Variants in CCND2 observed in about 807,000 individuals in gnomAD.
CCND2 encodes G1/S-specific cyclin-D2.
Under a neutral mutation model 30.2 loss-of-function variants are expected in CCND2, and 6 were observed. The observed-to-expected ratio is 0.20, with a 90% CI of 0.11 to 0.39. The LOEUF (loss-of-function observed/expected upper bound fraction) is 0.39, where lower values mean the gene tolerates loss of function less well. CCND2 is among the 10% of genes least tolerant of loss of function. CCND2 has a pLI of 1.00. For synonymous variants in CCND2, 150 were observed against 153.1 expected (o/e 0.98, Z 0.15); for missense variants, 235 against 373.4 (o/e 0.63, Z 3.06).
chr12:4,297,266 G>T (rs986401199), intron 4 of CCND2, among the ~76,000 whole-genome samples: 2 of 152,058 alleles, frequency 1.3e-5, no homozygotes, highest in Non-Finnish European at 2.9e-5. Flanking sequence ...AAATGCAAGT[G>T]CCCCTAGAAA....
chr12:4,283,789 G>C (rs984836300), intron 3 of CCND2, among the ~76,000 whole-genome samples: 2 of 152,174 alleles, frequency 1.3e-5, no homozygotes, highest in African/African-American at 2.4e-5. Context: ...CGGGTGAACT[G>C]CATCTCAATG....
intron 4 of CCND2, among the ~76,000 whole-genome samples, chr12:4,298,761 A>G (rs1448419065): frequency 1.3e-5 from 2 of 152,226 alleles, no homozygotes; most frequent in African/African-American, 4.8e-5. Context: ...GAGGCTAGAA[A>G]ATGCCCGTTA....
rs893335017 is a variant in CCND2, at chr12:4,287,308, T to C, written c.572-1534T>C. Among the ~76,000 whole-genome samples, 18 of 152,130 alleles carry C rather than the reference T, an allele frequency of 1.2e-4. No individual in the cohort carries two copies. Among genetic ancestry groups the C allele is most frequent in the African/African-American group, 4.3e-4 (18 of 41,426 alleles). ...TGCTGCTAACTTGATGCTGGGGCAA[T>C]GGGCTGACCATTAAAAGAGCTGCTG... On this transcript the variant is annotated intron_variant, in intron 3 of 4. Transcript: ENST00000261254. This position sits in a 1 kb window ranked among gnomAD's most constrained non-coding sequence, Gnocchi z 4.0.
intron 4 of CCND2, among the ~76,000 whole-genome samples, chr12:4,296,626 G>T (rs1355352005): frequency 1.3e-5 from 2 of 151,978 alleles, no homozygotes; most frequent in Admixed American, 6.6e-5. Context: ...CCATGGACAG[G>T]TATTCAGTTG....
In CCND2 at chr12:4,301,385, AT is replaced by A. The variant is rs1415169853; in HGVS notation, c.*1378del. ...TTTTTTTATTGTTGTTGTTAATTTT[AT>A]TGCAAAGTTGTATTCAGCGTACTTG... On this transcript the variant is annotated 3_prime_UTR_variant, in exon 5 of 5. Coordinates refer to ENST00000261254, the MANE Select transcript of CCND2 (RefSeq NM_001759.4). 6 of 218,920 alleles carry A rather than the reference AT, an allele frequency of 2.7e-5. No homozygotes were observed. Among genetic ancestry groups the A allele is most frequent in the Non-Finnish European group, 4.4e-5 (5 of 114,036 alleles). 13.6% of individuals were successfully genotyped at this position (218,920 alleles called of 1,614,324 possible).
chr12:4,285,021 C>T lies in CCND2; in HGVS notation c.572-3821C>T, dbSNP rs772478873. ...AAAGTGCTAGGATTACACTGTGAGC[C>T]ACTGCGCCCAGCCTTCAAGAGCCCC... On this transcript the variant is annotated intron_variant, in intron 3 of 4. Transcript: ENST00000261254. This position sits in a 1 kb window ranked among gnomAD's most constrained non-coding sequence, Gnocchi z 4.1. 2.0e-5 allele frequency among the ~76,000 whole-genome samples: 3 copies of T among 152,108 alleles called. No individual in the cohort carries two copies. Among genetic ancestry groups the T allele is most frequent in the Non-Finnish European group, 4.4e-5 (3 of 68,024 alleles).
Position 4,285,730 on chromosome 12 carries a change from G to A in CCND2, c.572-3112G>A, listed in dbSNP as rs1009494483. ...GGTAGGTGGAGCTTTCCACAGTTGA[G>A]GGTGGGGGTTGGCTAATTACAGCTA... On this transcript the variant is annotated intron_variant, in intron 3 of 4. Transcript: ENST00000261254. The surrounding 1 kb of genome is among the most constrained non-coding windows in gnomAD (Gnocchi z 4.1). 2.6e-5 allele frequency among the ~76,000 whole-genome samples: 4 copies of A among 152,248 alleles called. No homozygotes were observed. The highest frequency in any genetic ancestry group is 4.4e-5 in the Non-Finnish European group (3 of 68,050).
At position 4,278,832 on chromosome 12, in the gene CCND2, C is replaced by T. The variant is rs2120531752; in HGVS notation, c.484C>T (p.His162Tyr). 1 of 1,614,214 alleles carries T rather than the reference C, an allele frequency of 6.2e-7. No individual in the cohort carries two copies. The highest frequency in any genetic ancestry group is 8.5e-7 in the Non-Finnish European group (1 of 1,180,030). The change falls in exon 3 of 5, where the codon CAC becomes TAC. Residue 162 changes from histidine (H) to tyrosine (Y), a missense_variant. Around this residue, in one of 2 missense-constraint regions of CCND2, gnomAD observed 178 missense variants for 322.8 expected, o/e 0.55. Coordinates refer to ENST00000261254, the MANE Select transcript of CCND2 (RefSeq NM_001759.4). ...TGTCACTCCTCATGACTTCATTGAG[C>T]ACATCTTGCGCAAGCTGCCCCAGCA... ...AAVTPHDFIE[H>Y]ILRKLPQQRE... is the part of the protein sequence containing the mutation.
At chr12:4,290,623 G>A (rs553120883) in intron 4 of CCND2, among the ~76,000 whole-genome samples, 3 of 130,948 alleles carry the variant, frequency 2.3e-5, no homozygotes, top group East Asian at 2.1e-4. Context: ...CTTTTCCCCC[G>A]ATGTTGATAG....
At position 4,274,025 on chromosome 12, in the gene CCND2, G is replaced by C. The variant is rs1263979484; in HGVS notation, c.-16G>C. The C allele has an allele frequency of 1.2e-6, 2 of 1,605,324 alleles. No homozygotes were observed. Among genetic ancestry groups the C allele is most frequent in the African/African-American group, 2.7e-5 (2 of 74,734 alleles). ...GGCCGGGGAAAGCAGGAGGGAGAGG[G>C]GCCGCCGGGCTGGCCATGGAGCTGC... On this transcript the variant is annotated 5_prime_UTR_variant, in exon 1 of 5. Transcript: ENST00000261254. This position sits in a 1 kb window ranked among gnomAD's most constrained non-coding sequence, Gnocchi z 7.7.
intron 3 of CCND2, among the ~76,000 whole-genome samples, chr12:4,280,714 C>T (rs1168211245): frequency 6.6e-6 from 1 of 152,166 alleles, no homozygotes; most frequent in Non-Finnish European, 1.5e-5. Flanking sequence ...AGTTCTTTCT[C>T]TCTGGCCCAA....
rs1444651880 is a variant in CCND2, at chr12:4,288,830, C to T, written c.572-12C>T. On this transcript the variant is annotated splice_polypyrimidine_tract_variant and intron_variant, in intron 3 of 4. Transcript: ENST00000261254. ...TTCTGTGCCCTGACCTTCTGCCTCTCATTCCTTGCAGACTTTAAGTTTGCC... is the reference window on the plus strand; with the variant it reads ...TTCTGTGCCCTGACCTTCTGCCTCTTATTCCTTGCAGACTTTAAGTTTGCC... 2 of 1,605,382 alleles carry T rather than the reference C, an allele frequency of 1.2e-6. No homozygotes were observed. The highest frequency in any genetic ancestry group is 3.4e-5 in the Admixed American group (2 of 58,928).
intron 4 of CCND2, among the ~76,000 whole-genome samples, chr12:4,297,595 A>C (rs886662125): frequency 9.3e-5 from 14 of 150,718 alleles, no homozygotes; most frequent in African/African-American, 3.2e-4. Flanking sequence ...AAAAAAAAAA[A>C]AACAGAAAAG....
intron 3 of CCND2, among the ~76,000 whole-genome samples, chr12:4,280,892 G>A (rs1475950781): frequency 6.6e-6 from 1 of 152,172 alleles, no homozygotes; most frequent in African/African-American, 2.4e-5. Flanking sequence ...CCGGGGTGTG[G>A]GCAGATCCCC....
intron 3 of CCND2, among the ~76,000 whole-genome samples, chr12:4,280,489 A>G (rs981887816): frequency 2.0e-5 from 3 of 152,166 alleles, no homozygotes; most frequent in Admixed American, 2.0e-4. Flanking sequence ...CCTTGGTGGG[A>G]GAGTCCGTTA....
In CCND2 at chr12:4,303,439, C is replaced by T; in HGVS notation, c.*3430C>T. ...GTTGTTCTTTCTCTTCTTTTTCTTA[C>T]CTCCCACTAAAGGGGTTCCAAATTA... On this transcript the variant is annotated 3_prime_UTR_variant, in exon 5 of 5. Coordinates refer to ENST00000261254, the MANE Select transcript of CCND2 (RefSeq NM_001759.4). This position sits in a 1 kb window ranked among gnomAD's most constrained non-coding sequence, Gnocchi z 4.6. 1 of 233,594 alleles carries T rather than the reference C, an allele frequency of 4.3e-6. No homozygotes were observed. The highest frequency in any genetic ancestry group is 2.2e-5 in the African/African-American group (1 of 45,470). 14.5% of individuals were successfully genotyped at this position (233,594 alleles called of 1,614,324 possible). A position where few individuals can be genotyped will look rare whatever the true frequency, so the allele number is the denominator to read the frequency against.
At chr12:4,295,028 C>T (rs1864149254) in intron 4 of CCND2, among the ~76,000 whole-genome samples, 2 of 152,190 alleles carry the variant, frequency 1.3e-5, no homozygotes, top group Non-Finnish European at 2.9e-5. Flanking sequence ...TTGCAGGTAT[C>T]AGCACCACTG....
chr12:4,298,314 T>C (rs1864202441), intron 4 of CCND2, among the ~76,000 whole-genome samples: 1 of 152,244 alleles, frequency 6.6e-6, no homozygotes, highest in African/African-American at 2.4e-5. Flanking sequence ...CATTGAAAGC[T>C]GTAGTTTGAA....
rs1182784076 is a variant in CCND2 at position 4,303,425 on chromosome 12, T to C, written c.*3416T>C. The C allele has an allele frequency of 4.3e-6, 1 of 233,482 alleles. No homozygotes were observed. The highest frequency in any genetic ancestry group is 5.6e-5 in the Admixed American group (1 of 17,784). 14.5% of individuals were successfully genotyped at this position (233,482 alleles called of 1,614,324 possible). ...CTCTTTTTGTTGTTGTTGTTCTTTC[T>C]CTTCTTTTTCTTACCTCCCACTAAA... On this transcript the variant is annotated 3_prime_UTR_variant, in exon 5 of 5. Coordinates refer to ENST00000261254, the MANE Select transcript of CCND2 (RefSeq NM_001759.4). The surrounding 1 kb of genome is among the most constrained non-coding windows in gnomAD (Gnocchi z 4.6).
Sources: gnomAD v4.1 joint callset for allele counts (sites outside exome capture counted in the v4.1 genomes callset) on GRCh38, gnomAD v4.1.1 for gene constraint, gnomAD v4.1.1 regional missense constraint, Gnocchi (gnomAD v3.1) non-coding constraint, MANE v1.5 for transcripts, NCBI Gene and HGNC (gene_info 2026-07-23, HGNC 2026-07-21) for gene names.